The following FAT2 variants were observed in gnomAD, a reference collection of about 807,000 sequenced individuals.
FAT2 encodes the protein protocadherin Fat 2.
FAT2 carries 150 observed loss-of-function variants against 295.3 expected under a neutral mutation model. The observed-to-expected ratio is 0.51, with a 90% CI of 0.44 to 0.58. The LOEUF (loss-of-function observed/expected upper bound fraction) is 0.58, where lower values mean the gene tolerates loss of function less well. Ranked by LOEUF, FAT2 falls within the 20% of genes least tolerant of loss-of-function variation. The pLI is 0.00. For missense variants in FAT2, 4,868 were observed against 5,442.7 expected, an observed-to-expected ratio of 0.89 and a Z score of 3.32; for synonymous variants, 2,026 against 2,150.3, an observed-to-expected ratio of 0.94 and a Z score of 1.60.
chr5:151,565,766 CA>C lies in FAT2; in HGVS notation c.3165del (p.Ala1056ProfsTer33). The C allele has an allele frequency of 6.2e-7, 1 of 1,613,028 alleles. No homozygotes were observed. Among genetic ancestry groups the C allele is most frequent in the Non-Finnish European group, 8.5e-7 (1 of 1,179,482 alleles). On this transcript the variant is annotated frameshift_variant, in exon 2 of 24. Transcript: ENST00000261800. LOFTEE classifies it high-confidence loss of function. ...TCCAAGCCACTGTCATCGTCCTGGG[CA>C]GCCACTACAATCACCTGAGTTCCCG... ...SPSGTQVIVVAAQDDDSGLDG... is the reference protein window; with the variant it reads ...SPSGTQVIVVXAQDDDSGLDG...
chr5:151,527,735 A>G (rs763210253), intron 16 of FAT2, among the ~76,000 whole-genome samples: 6 of 152,198 alleles, frequency 3.9e-5, no homozygotes, highest in African/African-American at 4.8e-5. Context: ...TGGCTATTTT[A>G]TAATGATCTA....
At chr5:151,578,973 C>T (rs1422619835) in intron 1 of FAT2, among the ~76,000 whole-genome samples, 1 of 152,128 alleles carries the variant, frequency 6.6e-6, no homozygotes, top group Non-Finnish European at 1.5e-5. Flanking sequence ...TGATGGTTAC[C>T]AGTGGCTGGG....
upstream of FAT2, among the ~76,000 whole-genome samples, chr5:151,593,308 G>GGGGTCCCTCGCT (rs1554137073): frequency 1.3e-5 from 2 of 152,136 alleles, no homozygotes; most frequent in African/African-American, 4.8e-5. Flanking sequence ...GTCTTCCCTC[G>GGGGTCCCTCGCT]GGGGCCAAGG....
chr5:151,505,978 G>C lies in FAT2; in HGVS notation c.12637C>G (p.Pro4213Ala), dbSNP rs754481619. The C allele has an allele frequency of 6.4e-7, 1 of 1,573,614 alleles. No individual in the cohort carries two copies. The highest frequency in any genetic ancestry group is 8.6e-7 in the Non-Finnish European group (1 of 1,164,330). Residue 4213 changes from proline (P) to alanine (A), a missense_variant, in exon 24 of 24, where the codon CCA becomes GCA. Around this residue, in one of 5 missense-constraint regions of FAT2, gnomAD observed 492 missense variants for 482.6 expected, o/e 1.02. Coordinates refer to ENST00000261800, the MANE Select transcript of FAT2 (RefSeq NM_001447.3). The part of the protein sequence containing the change: ...LPPSAHRHST[P>A]VVMPEPNGLY... ...CCATTAGGCTCTGGCATCACGACTGGGGTTGAGTGGCGGTGAGCCGAGGGC... is the reference window on the plus strand; with the variant it reads ...CCATTAGGCTCTGGCATCACGACTGCGGTTGAGTGGCGGTGAGCCGAGGGC...
intron 23 of FAT2, 80 bp from the exon 24 acceptor site, chr5:151,506,177 C>A: frequency 7.0e-7 from 1 of 1,428,986 alleles, no homozygotes. Context: ...CTATATATAA[C>A]CTAGCGAGTG....
At chr5:151,517,901 G>A (rs956932437) in intron 19 of FAT2, 136 bp from the exon 20 acceptor site, 5 of 1,059,428 alleles carry the variant, frequency 4.7e-6, no homozygotes, top group African/African-American at 1.6e-5. Context: ...AACTAGGCTG[G>A]GTGTGGGGTG....
chr5:151,552,076 G>C (rs977979496), intron 6 of FAT2, among the ~76,000 whole-genome samples: 1 of 151,432 alleles, frequency 6.6e-6, no homozygotes, highest in Non-Finnish European at 1.5e-5. Flanking sequence ...CTTCTGATTG[G>C]TGGAACTTTA....
chr5:151,549,227 C>T, intron 9 of FAT2, 68 bp downstream of exon 9: 1 of 1,478,706 alleles, frequency 6.8e-7, no homozygotes, highest in Admixed American at 1.9e-5. Context: ...GAATTCATGC[C>T]TCTAGTGCTT....
intron 11 of FAT2, among the ~76,000 whole-genome samples, chr5:151,538,226 A>G (rs1755687778): frequency 6.6e-6 from 1 of 152,164 alleles, no homozygotes; most frequent in African/African-American, 2.4e-5. Flanking sequence ...AAAAGAGAGA[A>G]TGGAGAAGTT....
rs1015825227 is a variant in FAT2, at chr5:151,512,058, G to A, written c.11905+107C>T. On this transcript the variant is annotated intron_variant, in intron 21 of 23. Coordinates refer to ENST00000261800, the MANE Select transcript of FAT2 (RefSeq NM_001447.3). This position sits in a 1 kb window ranked among gnomAD's most constrained non-coding sequence, Gnocchi z 4.1. ...TACTCACAAGTTAGGGGAAGAGAGA[G>A]AAATTTGGAACCAGGAGGCTCTGAG... The A allele has an allele frequency of 2.8e-6, 3 of 1,054,540 alleles. No homozygotes were observed. Among genetic ancestry groups the A allele is most frequent in the Admixed American group, 2.7e-5 (1 of 37,068 alleles). The allele number at this position is 1,054,540 out of a possible 1,614,324, so 65.3% of individuals were successfully genotyped here.
chr5:151,542,539 A>G lies in FAT2; in HGVS notation c.8588T>C (p.Leu2863Pro), dbSNP rs753051338. Residue 2863 changes from leucine (L) to proline (P), a missense_variant, in exon 10 of 24, where the codon CTT becomes CCT. By Grantham distance (98) the Leu-to-Pro change is moderately conservative (BLOSUM62 -3). Around this residue, in one of 5 missense-constraint regions of FAT2, gnomAD observed 3,297 missense variants for 3,669.4 expected, o/e 0.90. Transcript: ENST00000261800. ...ATAAGTCTGGCAGGTCTCACAGTCA[A>G]GTTCCTGGAGTGTGGTGATCCAACC... Reference protein sequence around the residue: ...ESGWITTLQELDCETCQTYHF... With the variant: ...ESGWITTLQEPDCETCQTYHF... 1.9e-6 allele frequency: 3 copies of G among 1,614,058 alleles called. No homozygotes were observed. Among genetic ancestry groups the G allele is most frequent in the South Asian group, 1.1e-5 (1 of 91,086 alleles).
intron 20 of FAT2, among the ~76,000 whole-genome samples, chr5:151,514,315 C>T (rs564656143): frequency 1.3e-5 from 2 of 152,260 alleles, no homozygotes; most frequent in East Asian, 3.9e-4. Flanking sequence ...ATCTGTTGAT[C>T]CCACCGTCTT....
At position 151,545,468 on chromosome 5, in the gene FAT2, G is replaced by C. The variant is rs143232723; in HGVS notation, c.5659C>G (p.Pro1887Ala). Residue 1887 changes from proline (P) to alanine (A), a missense_variant, in exon 10 of 24, where the codon CCA (proline) becomes GCA (alanine). By Grantham distance (27) the Pro-to-Ala change is conservative. Transcript: ENST00000261800. Reference protein sequence around the residue: ...YEVAIVGPIHPGMELLMVRAS... With the variant: ...YEVAIVGPIHAGMELLMVRAS... ...CGCACCATGAGAAGCTCCATGCCTG[G>C]ATGGATAGGCCCGACTATTGCTACC... 1.2e-6 allele frequency: 2 copies of C among 1,614,068 alleles called. No individual in the cohort carries two copies. The highest frequency in any genetic ancestry group is 2.7e-5 in the African/African-American group (2 of 74,912).
intron 12 of FAT2, among the ~76,000 whole-genome samples, chr5:151,535,672 G>T (rs1581364438): frequency 6.6e-6 from 1 of 152,190 alleles, no homozygotes; most frequent in East Asian, 1.9e-4. Context: ...GGAGTCGTGG[G>T]AGCCCCAACT....
At chr5:151,511,943 A>C in intron 21 of FAT2, 1 of 569,788 alleles carries the variant, frequency 1.8e-6, no homozygotes. Context: ...ATCCTCCCTC[A>C]TCCCCCCAGA....
intron 17 of FAT2, 30 bp from the exon 18 acceptor site, chr5:151,525,995 G>C (rs372970548): frequency 5.6e-6 from 9 of 1,606,356 alleles, no homozygotes; most frequent in Admixed American, 3.4e-5. Flanking sequence ...AGAAGGCAAA[G>C]AGCAGAATGA....
intron 1 of FAT2, among the ~76,000 whole-genome samples, chr5:151,575,185 G>A (rs1758697734): frequency 6.6e-6 from 1 of 152,210 alleles, no homozygotes; most frequent in South Asian, 2.1e-4. Context: ...TCCTTATCTA[G>A]GACATGGATG....
rs760561316 is a variant in FAT2 at position 151,545,209 on chromosome 5, T to C, written c.5918A>G (p.Tyr1973Cys). The C allele has an allele frequency of 6.2e-7, 1 of 1,614,184 alleles. No individual in the cohort carries two copies. Among genetic ancestry groups the C allele is most frequent in the African/African-American group, 1.3e-5 (1 of 75,060 alleles). Residue 1973 changes from tyrosine to cysteine, a missense_variant, in exon 10 of 24, where the codon TAC becomes TGC. Around this residue, in one of 5 missense-constraint regions of FAT2, gnomAD observed 3,297 missense variants for 3,669.4 expected, o/e 0.90. Coordinates refer to ENST00000261800, the MANE Select transcript of FAT2 (RefSeq NM_001447.3). Reference sequence around the variant, plus strand: ...CAAGTTCTCCTTCACAGCTGCCCAGTAGACATCCTGATCAAACTGCAAGCT... The same window carrying C: ...CAAGTTCTCCTTCACAGCTGCCCAGCAGACATCCTGATCAAACTGCAAGCT... ...DKSLQFDQDV[Y>C]WAAVKENLQD...
chr5:151,517,585 C>A lies in FAT2; in HGVS notation c.11463+35G>T, dbSNP rs202112877. 57 of 1,612,480 alleles carry A rather than the reference C, an allele frequency of 3.5e-5. No individual in the cohort carries two copies. The East Asian group carries it at 1.0e-3, about 28-fold the overall frequency. On this transcript the variant is annotated intron_variant, in intron 20 of 23. Transcript: ENST00000261800. Reference sequence around the variant, plus strand: ...CCCCCTACCTCCCCAGCCTGGGACACCCACATGAAATCTCTCAGGCTGGCA... The same window carrying A: ...CCCCCTACCTCCCCAGCCTGGGACAACCACATGAAATCTCTCAGGCTGGCA...
Sources: allele counts gnomAD v4.1 joint callset (sites outside exome capture counted in the v4.1 genomes callset), GRCh38; gene constraint gnomAD v4.1.1; regional missense constraint gnomAD v4.1.1; non-coding constraint Gnocchi (gnomAD v3.1); transcripts MANE v1.5; gene names NCBI Gene and HGNC (gene_info 2026-07-23, HGNC 2026-07-21).